The following LPAR3 variants were observed in gnomAD, a reference collection of about 807,000 sequenced individuals.
LPAR3 encodes the protein LPA receptor 3.
Under a neutral mutation model 17.8 loss-of-function variants are expected in LPAR3, and 7 were observed. The ratio of observed to expected loss-of-function variants is 0.39; its 90% CI spans 0.22 to 0.74. The LOEUF (loss-of-function observed/expected upper bound fraction) is 0.74, where lower values mean the gene tolerates loss of function less well. LPAR3 is among the 30% of genes least tolerant of loss of function. LPAR3 has a pLI of 0.40. For synonymous variants in LPAR3, 179 were observed against 179.9 expected (o/e 0.99, Z 0.04); for missense variants, 391 against 453.4 (o/e 0.86, Z 1.25).
At chr1:84,829,152 A>ATTTTTTTTTTTT (rs56095946) in intron 2 of LPAR3, among the ~76,000 whole-genome samples, 3 of 55,526 alleles carry the variant, frequency 5.4e-5, no homozygotes, top group African/African-American at 9.8e-5. Flanking sequence ...CCTCTCTGCA[A>ATTTTTTTTTTTT]TTTTTTTTTT....
chr1:84,863,340 G>A (rs905369946), intron 2 of LPAR3, among the ~76,000 whole-genome samples: 4 of 152,166 alleles, frequency 2.6e-5, no homozygotes, highest in African/African-American at 4.8e-5. Flanking sequence ...TATACCAAAT[G>A]TGATGATCTC....
At chr1:84,857,630 G>A (rs1659853131) in intron 2 of LPAR3, among the ~76,000 whole-genome samples, 1 of 152,214 alleles carries the variant, frequency 6.6e-6, no homozygotes, top group Admixed American at 6.5e-5. Context: ...AAGAGCATGT[G>A]ACTTTACAGA....
At chr1:84,817,291 A>ACACACC (rs1000146030) in intron 2 of LPAR3, among the ~76,000 whole-genome samples, 27 of 144,574 alleles carry the variant, frequency 1.9e-4, no homozygotes, top group African/African-American at 5.1e-4. Context: ...ACACACACAC[A>ACACACC]CCCCTCACTT....
chr1:84,845,165 T>G (rs921730517), intron 2 of LPAR3, among the ~76,000 whole-genome samples: 22 of 152,220 alleles, frequency 1.4e-4, no homozygotes, highest in African/African-American at 5.1e-4. Context: ...TTCCTTCTAC[T>G]GCTTAGGGTT....
At position 84,865,716 on chromosome 1, in the gene LPAR3, C is replaced by T. The variant is rs1660031455; in HGVS notation, c.405G>A (p.Arg135=). Residue 135 remains arginine, a synonymous_variant, in exon 2 of 3, where the codon CGG becomes CGA. Coordinates refer to ENST00000370611, the MANE Select transcript of LPAR3 (RefSeq NM_012152.3). ...VERHMSIMRM[R]VHSNLTKKRV... is the part of the protein sequence containing the mutation. ...TCTTTTTGGTCAGGTTGCTATGGAC[C>T]CGCATCCTCATGATTGACATGTGCC... is the stretch of plus-strand genomic sequence containing the variant. The T allele has an allele frequency of 6.2e-7, 1 of 1,614,020 alleles. No individual in the cohort carries two copies. Among genetic ancestry groups the T allele is most frequent in the South Asian group, 1.1e-5 (1 of 91,082 alleles).
chr1:84,856,554 T>TC (rs1020920678), intron 2 of LPAR3, among the ~76,000 whole-genome samples: 1 of 152,054 alleles, frequency 6.6e-6, no homozygotes, highest in Non-Finnish European at 1.5e-5. Context: ...TACTTTTTTT[T>TC]TCTCTCTCTC....
rs1187756554 is a variant in LPAR3, at chr1:84,879,316, C to CTTT, written c.-18-13181_-18-13179dup. Among the ~76,000 whole-genome samples, 294 of 120,466 alleles carry CTTT rather than the reference C, an allele frequency of 2.4e-3. 13 individuals are homozygous for CTTT. The highest frequency in any genetic ancestry group is 7.2e-3 in the African/African-American group (206 of 28,618). 79.0% of individuals were successfully genotyped at this position (120,466 alleles called of 152,430 possible). ...TTTTCTTTCTTTTCTTTTCTTTTTT[C>CTTT]TTTTTTTTTTTTTGAGATGGAATCT... On this transcript the variant is annotated intron_variant, in intron 1 of 2. Transcript: ENST00000370611.
At chr1:84,829,045 G>A (rs982931414) in intron 2 of LPAR3, among the ~76,000 whole-genome samples, 1 of 150,130 alleles carries the variant, frequency 6.7e-6, no homozygotes, top group Admixed American at 6.6e-5. Context: ...AGCTCCAAGG[G>A]GATATCTTTG....
chr1:84,851,741 T>C (rs1659718685), intron 2 of LPAR3, among the ~76,000 whole-genome samples: 1 of 152,130 alleles, frequency 6.6e-6, no homozygotes, highest in Non-Finnish European at 1.5e-5. Flanking sequence ...GTGAGAAGCT[T>C]GGCATGACAG....
intron 2 of LPAR3, among the ~76,000 whole-genome samples, chr1:84,849,391 A>AG (rs1659659090): frequency 6.6e-6 from 1 of 150,830 alleles, no homozygotes; most frequent in South Asian, 2.1e-4. Context: ...AAAAAAAAAA[A>AG]AAGAAAGAAA....
chr1:84,888,976 C>A (rs1275660657), intron 1 of LPAR3, among the ~76,000 whole-genome samples: 1 of 152,126 alleles, frequency 6.6e-6, no homozygotes. Flanking sequence ...CTGGCCCAGC[C>A]TGAGGTGTAC....
chr1:84,865,356 T>C (rs1299358666), intron 2 of LPAR3, 29 bp downstream of exon 2: 2 of 1,575,934 alleles, frequency 1.3e-6, no homozygotes, highest in South Asian at 1.2e-5. Context: ...TGAATGGGAA[T>C]GATGGCTTGC....
chr1:84,865,521 G>A lies in LPAR3; in HGVS notation c.600C>T (p.Leu200=), dbSNP rs1660026078. The A allele has an allele frequency of 6.2e-7, 1 of 1,614,218 alleles. No homozygotes were observed. The highest frequency in any genetic ancestry group is 2.2e-5 in the East Asian group (1 of 44,884). Residue 200 remains leucine, a synonymous_variant, in exon 2 of 3, where the codon CTC becomes CTT. Transcript: ENST00000370611. ...FWTVSNLMAF[L]IMVVVYLRIY... is the part of the protein sequence containing the mutation. ...TCCGCAGGTACACCACAACCATGAT[G>A]AGGAAGGCCATGAGGTTGGACACTG...
intron 1 of LPAR3, among the ~76,000 whole-genome samples, chr1:84,867,765 C>T (rs766566358): frequency 6.6e-6 from 1 of 151,994 alleles, no homozygotes; most frequent in Non-Finnish European, 1.5e-5. Context: ...CAGACAGTCA[C>T]CAATATTTAA....
At chr1:84,868,408 C>A (rs1001522521) in intron 1 of LPAR3, among the ~76,000 whole-genome samples, 1 of 152,122 alleles carries the variant, frequency 6.6e-6, no homozygotes, top group Non-Finnish European at 1.5e-5. Flanking sequence ...TCACACCCAG[C>A]CTGAGAGATC....
chr1:84,845,854 A>T (rs1659586310), intron 2 of LPAR3, among the ~76,000 whole-genome samples: 1 of 152,204 alleles, frequency 6.6e-6, no homozygotes, highest in South Asian at 2.1e-4. Flanking sequence ...AGTATACTTT[A>T]TCCACTGGGA....
At chr1:84,890,035 C>A (rs576184174) in intron 1 of LPAR3, among the ~76,000 whole-genome samples, 33 of 152,208 alleles carry the variant, frequency 2.2e-4, no homozygotes, top group Non-Finnish European at 4.0e-4. Flanking sequence ...TACCTCTAGT[C>A]CACCGTTTGT....
In LPAR3 at chr1:84,879,316, C is replaced by CTTTCTTTT. The variant is rs1553149967; in HGVS notation, c.-18-13179_-18-13178insAAAAGAAA. The stretch of plus-strand genomic sequence containing the variant: ...TTTTCTTTCTTTTCTTTTCTTTTTT[C>CTTTCTTTT]TTTTTTTTTTTTTGAGATGGAATCT... On this transcript the variant is annotated intron_variant, in intron 1 of 2. Transcript: ENST00000370611. Among the ~76,000 whole-genome samples the CTTTCTTTT allele has an allele frequency of 4.0e-4, 48 of 120,618 alleles. 1 individual carries two copies. Among genetic ancestry groups the CTTTCTTTT allele is most frequent in the African/African-American group, 1.5e-3 (44 of 28,664 alleles). 79.1% of individuals were successfully genotyped at this position (120,618 alleles called of 152,430 possible).
intron 1 of LPAR3, among the ~76,000 whole-genome samples, chr1:84,868,841 T>C (rs1013234869): frequency 1.3e-5 from 2 of 152,210 alleles, no homozygotes; most frequent in Non-Finnish European, 2.9e-5. Flanking sequence ...GAGCAATAAA[T>C]TTCTGTTATT....
Sources: gnomAD v4.1 joint callset for allele counts (sites outside exome capture counted in the v4.1 genomes callset) on GRCh38, gnomAD v4.1.1 for gene constraint, MANE v1.5 for transcripts, NCBI Gene and HGNC (gene_info 2026-07-23, HGNC 2026-07-21) for gene names.